ABCC5: variants seen among roughly 807,000 people sequenced by gnomAD.
ABCC5 encodes the protein ATP-binding cassette sub-family C member 5.
ABCC5 carries 61 observed loss-of-function variants against 160.9 expected under a neutral mutation model. The observed-to-expected ratio is 0.38, with a 90% CI of 0.31 to 0.47. ABCC5 has a LOEUF of 0.47. ABCC5 is among the 20% of genes least tolerant of loss of function. The pLI, the probability that ABCC5 is intolerant of heterozygous loss-of-function variation, is 0.99. For missense variants in ABCC5, 1,308 were observed against 1,813.3 expected, an observed-to-expected ratio of 0.72 and a Z score of 5.06; for synonymous variants, 666 against 700.6, an observed-to-expected ratio of 0.95 and a Z score of 0.78.
At position 183,945,865 on chromosome 3, in the gene ABCC5, G is replaced by T; in HGVS notation, c.3489C>A (p.Ile1163=). The T allele has an allele frequency of 1.2e-6, 2 of 1,614,018 alleles. No individual in the cohort carries two copies. Among genetic ancestry groups the T allele is most frequent in the South Asian group, 2.2e-5 (2 of 91,064 alleles). The change falls in exon 24 of 30, where the codon ATC becomes ATA. Residue 1163 remains isoleucine, a synonymous_variant. Transcript: ENST00000334444. Reference sequence around the variant, plus strand: ...GCAGTCTGACCTTAATGTAGTGATTGATCCTCTCCACCGAGGTGAATCGAG... The same window carrying T: ...GCAGTCTGACCTTAATGTAGTGATTTATCCTCTCCACCGAGGTGAATCGAG... ...TEARFTSVER[I]NHYIKTLSLE... is the part of the protein sequence containing the mutation.
At chr3:183,973,979 C>T (rs1717996498) in intron 10 of ABCC5, among the ~76,000 whole-genome samples, 1 of 152,208 alleles carries the variant, frequency 6.6e-6, no homozygotes, top group African/African-American at 2.4e-5. Flanking sequence ...CTCCCCGCAG[C>T]CTTACCCTCC....
intron 24 of ABCC5, 148 bp downstream of exon 24, chr3:183,945,702 A>C (rs1714773065): frequency 2.9e-6 from 2 of 690,266 alleles, no homozygotes; most frequent in African/African-American, 1.8e-5. Context: ...TTCCCATTCC[A>C]AGCACGGTTG....
At chr3:183,932,303 A>G (rs1355015217) in intron 26 of ABCC5, among the ~76,000 whole-genome samples, 1 of 152,206 alleles carries the variant, frequency 6.6e-6, no homozygotes, top group Non-Finnish European at 1.5e-5. Context: ...ATTAGGTGAA[A>G]AAAGTTAAGA....
At chr3:183,998,987 G>C (rs567177796) in intron 2 of ABCC5, among the ~76,000 whole-genome samples, 90 of 152,024 alleles carry the variant, frequency 5.9e-4, no homozygotes, top group Non-Finnish European at 9.3e-4. Context: ...CTACTCGGGA[G>C]GGTGAGGCAG....
intron 2 of ABCC5, among the ~76,000 whole-genome samples, chr3:184,002,666 G>A (rs911028903): frequency 1.3e-5 from 2 of 152,138 alleles, no homozygotes; most frequent in Non-Finnish European, 2.9e-5. Flanking sequence ...ATTTTAACAG[G>A]CTGCCAGAGC....
intron 2 of ABCC5, chr3:184,001,159 AG>A: frequency 2.3e-6 from 1 of 442,270 alleles, no homozygotes; most frequent in Non-Finnish European, 4.0e-6. Context: ...AGGCTGAGGC[AG>A]GAGGATCACA....
intron 2 of ABCC5, chr3:184,011,336 A>T (rs1030797345): frequency 1.3e-5 from 2 of 152,186 alleles, no homozygotes; most frequent in African/African-American, 4.8e-5. Flanking sequence ...GCCATTAGGG[A>T]ACTGCAAATT....
chr3:183,940,267 G>A (rs765645327), intron 25 of ABCC5, among the ~76,000 whole-genome samples: 1 of 151,438 alleles, frequency 6.6e-6, no homozygotes, highest in East Asian at 1.9e-4. Flanking sequence ...GGAGGCCAAG[G>A]TGGGTGGATT....
chr3:183,958,231 C>G (rs1716402045), intron 17 of ABCC5, among the ~76,000 whole-genome samples: 1 of 152,218 alleles, frequency 6.6e-6, no homozygotes. Context: ...CATGCAGATC[C>G]ATGTGTATAT....
At chr3:183,948,901 A>AC (rs35945591) in intron 22 of ABCC5, among the ~76,000 whole-genome samples, 1 of 152,064 alleles carries the variant, frequency 6.6e-6, no homozygotes, top group Non-Finnish European at 1.5e-5. Context: ...ACAAGGTTCC[A>AC]CCATGTTGGC....
intron 28 of ABCC5, among the ~76,000 whole-genome samples, 183 bp from the exon 29 acceptor site, chr3:183,925,902 A>G (rs552041822): frequency 3.9e-4 from 58 of 147,048 alleles, no homozygotes; most frequent in Non-Finnish European, 6.5e-4. Context: ...GCAGTGGCGC[A>G]ATCTCGGCTC....
At chr3:183,971,354 C>T (rs1173558455) in intron 11 of ABCC5, among the ~76,000 whole-genome samples, 1 of 152,156 alleles carries the variant, frequency 6.6e-6, no homozygotes, top group Non-Finnish European at 1.5e-5. Flanking sequence ...ATAAAATGAT[C>T]ACCTCATAAG....
At chr3:184,012,014 A>C (rs925199764) in intron 2 of ABCC5, among the ~76,000 whole-genome samples, 3 of 145,380 alleles carry the variant, frequency 2.1e-5, no homozygotes, top group African/African-American at 5.0e-5. Flanking sequence ...CATAGAACAC[A>C]ACACACACAC....
At chr3:183,939,905 C>G (rs925304909) in intron 25 of ABCC5, among the ~76,000 whole-genome samples, 1 of 152,116 alleles carries the variant, frequency 6.6e-6, no homozygotes, top group Non-Finnish European at 1.5e-5. Flanking sequence ...AGGGCCTCAT[C>G]GAGATCACCA....
At chr3:183,922,644 G>A (rs1215154755) in intron 29 of ABCC5, among the ~76,000 whole-genome samples, 2 of 152,190 alleles carry the variant, frequency 1.3e-5, no homozygotes, top group Non-Finnish European at 2.9e-5. Context: ...TGATACGCTG[G>A]CAGAACCCAC....
chr3:183,984,678 T>C, intron 5 of ABCC5: 1 of 1,478,112 alleles, frequency 6.8e-7, no homozygotes, highest in Non-Finnish European at 8.9e-7. Flanking sequence ...GATTTTTAGG[T>C]TTATATCCAT....
chr3:183,954,683 C>G, intron 17 of ABCC5, among the ~76,000 whole-genome samples: 1 of 152,218 alleles, frequency 6.6e-6, no homozygotes, highest in Admixed American at 6.5e-5. Flanking sequence ...ATTCTTAACA[C>G]TAATATGAGA....
At chr3:183,989,681 C>T (rs1218839754) in intron 2 of ABCC5, among the ~76,000 whole-genome samples, 1 of 151,706 alleles carries the variant, frequency 6.6e-6, no homozygotes, top group Non-Finnish European at 1.5e-5. Context: ...CCTCTCCCGT[C>T]CTCCTCATCT....
chr3:183,972,978 T>G (rs1717898930), intron 10 of ABCC5, among the ~76,000 whole-genome samples: 1 of 150,898 alleles, frequency 6.6e-6, no homozygotes, highest in Non-Finnish European at 1.5e-5. Context: ...GAAATGTTTC[T>G]GAAATTAAGA....
Sources: gnomAD v4.1 joint callset for allele counts (sites outside exome capture counted in the v4.1 genomes callset) on GRCh38, gnomAD v4.1.1 for gene constraint, MANE v1.5 for transcripts, NCBI Gene and HGNC (gene_info 2026-07-23, HGNC 2026-07-21) for gene names.